The following OPCML variants were observed in gnomAD, a reference collection of about 807,000 sequenced individuals.
The protein encoded by OPCML is opioid binding protein/cell adhesion molecule like, also known as opioid-binding protein/cell adhesion molecule.
In OPCML, 13 loss-of-function variants were observed where a neutral mutation model predicts 37.8. The observed-to-expected ratio is 0.34, with a 90% CI of 0.22 to 0.55. OPCML has a LOEUF of 0.55. Among genes scored for constraint, OPCML ranks in the 20% least tolerant of loss-of-function variants. The probability of loss-of-function intolerance (pLI) is 0.91; values close to 1 mark genes in which losing one functional copy is unlikely to be tolerated. For synonymous variants in OPCML, 176 were observed against 168.8 expected, an observed-to-expected ratio of 1.04 and a Z score of -0.33; for missense variants, 341 against 435.6, an observed-to-expected ratio of 0.78 and a Z score of 1.93.
chr11:132,739,730 T>A (rs1591540067), intron 2 of OPCML, among the ~76,000 whole-genome samples: 1 of 152,322 alleles, frequency 6.6e-6, no homozygotes, highest in East Asian at 1.9e-4. Flanking sequence ...TTATATTATT[T>A]TCTGAATTCC....
chr11:133,268,105 C>T (rs1319110027), intron 1 of OPCML, among the ~76,000 whole-genome samples: 2 of 152,124 alleles, frequency 1.3e-5, no homozygotes, highest in East Asian at 3.9e-4. Flanking sequence ...TCTCTCTTTC[C>T]TAGCCCCAGT....
chr11:132,953,912 G>A (rs1175710078), intron 1 of OPCML, among the ~76,000 whole-genome samples: 2 of 152,202 alleles, frequency 1.3e-5, no homozygotes, highest in African/African-American at 4.8e-5. Context: ...TTGGCATATA[G>A]GTGGTACTCC....
intron 2 of OPCML, among the ~76,000 whole-genome samples, chr11:132,882,765 T>G (rs1378646505): frequency 1.3e-5 from 2 of 152,064 alleles, no homozygotes; most frequent in Non-Finnish European, 2.9e-5. Context: ...GAAAACCAAA[T>G]GCTTACATCT....
intron 2 of OPCML, among the ~76,000 whole-genome samples, chr11:132,908,258 TC>T (rs56761314): frequency 0.11 from 16,333 of 151,866 alleles, 1,174 homozygotes; most frequent in African/African-American, 0.19. Flanking sequence ...ATTAGTCCCC[TC>T]CCCCAAAGAA....
intron 3 of OPCML, among the ~76,000 whole-genome samples, chr11:132,562,871 A>G (rs1056254832): frequency 3.3e-5 from 5 of 152,228 alleles, no homozygotes; most frequent in African/African-American, 1.2e-4. Flanking sequence ...CTCAAATGCC[A>G]CCAGTGATGT....
intron 2 of OPCML, among the ~76,000 whole-genome samples, chr11:132,920,392 C>T (rs933857851): frequency 5.3e-5 from 8 of 152,186 alleles, no homozygotes; most frequent in Admixed American, 1.3e-4. Context: ...GTGGAGAGAA[C>T]GTTGGCTCTA....
chr11:133,475,409 CTTCTT>C (rs1947219247), intron 1 of OPCML, among the ~76,000 whole-genome samples: 1 of 152,106 alleles, frequency 6.6e-6, no homozygotes, highest in Non-Finnish European at 1.5e-5. Flanking sequence ...CATTTTCTAT[CTTCTT>C]TTGTTTTTTT....
At chr11:133,394,324 T>C (rs563170336) in intron 1 of OPCML, among the ~76,000 whole-genome samples, 2 of 152,346 alleles carry the variant, frequency 1.3e-5, no homozygotes, top group Non-Finnish European at 2.9e-5. Context: ...ACATGAGATA[T>C]TTTGGTACAG....
chr11:132,444,383 C>T (rs1054037362), intron 4 of OPCML, among the ~76,000 whole-genome samples: 1 of 152,136 alleles, frequency 6.6e-6, no homozygotes, highest in African/African-American at 2.4e-5. Flanking sequence ...GATGTGAGAG[C>T]CCCCTTCTTT....
At chr11:133,009,314 C>A (rs1947171573) in intron 1 of OPCML, 3 of 705,510 alleles carry the variant, frequency 4.3e-6, no homozygotes, top group Non-Finnish European at 5.2e-6. Flanking sequence ...GGTAACAAAA[C>A]AACAGAATCT....
At chr11:132,768,790 C>G (rs1946541683) in intron 2 of OPCML, among the ~76,000 whole-genome samples, 1 of 152,156 alleles carries the variant, frequency 6.6e-6, no homozygotes, top group Non-Finnish European at 1.5e-5. Context: ...AGCAAGGAGA[C>G]CCGGGCTCCC....
intron 1 of OPCML, among the ~76,000 whole-genome samples, chr11:133,169,796 T>G (rs2136266103): frequency 6.6e-6 from 1 of 152,278 alleles, no homozygotes; most frequent in South Asian, 2.1e-4. Flanking sequence ...AGATGCATCT[T>G]CTTGGGGGCC....
intron 2 of OPCML, among the ~76,000 whole-genome samples, chr11:132,665,626 G>A (rs1362383586): frequency 4.6e-5 from 7 of 152,136 alleles, no homozygotes; most frequent in South Asian, 4.1e-4. Flanking sequence ...GTAGGGTAGC[G>A]AAACACAATT....
At chr11:133,364,667 G>C (rs796829220) in intron 1 of OPCML, among the ~76,000 whole-genome samples, 2 of 152,220 alleles carry the variant, frequency 1.3e-5, no homozygotes, top group African/African-American at 2.4e-5. Context: ...AAGTTTGTAT[G>C]TCATGTACTG....
intron 1 of OPCML, among the ~76,000 whole-genome samples, chr11:133,530,045 A>G (rs1948572038): frequency 6.6e-6 from 1 of 152,308 alleles, no homozygotes; most frequent in Admixed American, 6.5e-5. Context: ...GAAAGAGGGC[A>G]TGTTGCAGTG....
intron 1 of OPCML, among the ~76,000 whole-genome samples, chr11:133,156,430 C>G (rs1950063481): frequency 6.6e-6 from 1 of 152,206 alleles, no homozygotes. Context: ...CCTGACCCTT[C>G]TCTATGTTCC....
intron 2 of OPCML, among the ~76,000 whole-genome samples, chr11:132,827,035 GA>G (rs2136267149): frequency 6.6e-6 from 1 of 152,256 alleles, no homozygotes; most frequent in South Asian, 2.1e-4. Context: ...CTTAATTTGA[GA>G]TCAGAATTTC....
At chr11:132,540,993 G>A (rs2096355025) in intron 3 of OPCML, among the ~76,000 whole-genome samples, 1 of 152,104 alleles carries the variant, frequency 6.6e-6, no homozygotes, top group African/African-American at 2.4e-5. Context: ...AGTTCTTCTG[G>A]CCACACACAC....
At chr11:132,709,545 G>A (rs913974409) in intron 2 of OPCML, among the ~76,000 whole-genome samples, 8 of 152,084 alleles carry the variant, frequency 5.3e-5, no homozygotes, top group Non-Finnish European at 2.9e-5. Flanking sequence ...GTAGTGTCTT[G>A]GACTTTCCTA....
Sources: allele counts gnomAD v4.1 joint callset (sites outside exome capture counted in the v4.1 genomes callset), GRCh38; gene constraint gnomAD v4.1.1; transcripts MANE v1.5; gene names NCBI Gene and HGNC (gene_info 2026-07-23, HGNC 2026-07-21).